AHI1: variants seen among roughly 807,000 people sequenced by gnomAD.
The protein encoded by AHI1 is jouberin.
Under a neutral mutation model 149.3 loss-of-function variants are expected in AHI1, and 123 were observed. The ratio of observed to expected loss-of-function variants is 0.82; its 90% CI spans 0.71 to 0.96. AHI1 has a LOEUF of 0.96. Ranked by LOEUF, AHI1 falls within the 40% of genes least tolerant of loss-of-function variation. The pLI, the probability that AHI1 is intolerant of heterozygous loss-of-function variation, is 0.00. For missense variants in AHI1, 1,439 were observed against 1,422.7 expected (o/e 1.01, Z -0.18); for synonymous variants, 475 against 459.8 (o/e 1.03, Z -0.42).
intron 23 of AHI1, among the ~76,000 whole-genome samples, chr6:135,361,113 T>C (rs1793793148): frequency 6.6e-6 from 1 of 152,240 alleles, no homozygotes; most frequent in Non-Finnish European, 1.5e-5. Flanking sequence ...CATCTCTTCA[T>C]ATTTTTTAAT....
chr6:135,300,775 A>T, intron 26 of AHI1: 1 of 1,179,246 alleles, frequency 8.5e-7, no homozygotes, highest in Non-Finnish European at 1.0e-6. Context: ...AGAGAGTTCA[A>T]ACACTCATTT....
intron 15 of AHI1, 26 bp from the exon 16 acceptor site, chr6:135,433,282 T>C: frequency 1.3e-6 from 2 of 1,514,108 alleles, no homozygotes; most frequent in Admixed American, 1.8e-5. Flanking sequence ...AAGTTACATA[T>C]TGCTTCTGAA....
intron 3 of AHI1, chr6:135,493,061 T>C: frequency 1.3e-6 from 1 of 760,768 alleles, no homozygotes; most frequent in Non-Finnish European, 1.6e-6. Context: ...TGCAGTGGTG[T>C]GATCTCGGCT....
At chr6:135,408,288 G>A (rs1352359768) in intron 21 of AHI1, among the ~76,000 whole-genome samples, 2 of 152,022 alleles carry the variant, frequency 1.3e-5, no homozygotes, top group African/African-American at 4.8e-5. Flanking sequence ...CAAGTTTTTA[G>A]ACAAGGAACA....
intron 20 of AHI1, among the ~76,000 whole-genome samples, chr6:135,415,944 T>C (rs2127985677): frequency 6.6e-6 from 1 of 152,230 alleles, no homozygotes; most frequent in South Asian, 2.1e-4. Context: ...TATACAATTC[T>C]GGAAAATGCA....
chr6:135,344,764 CTCTT>C (rs1425770248), intron 24 of AHI1, among the ~76,000 whole-genome samples: 3 of 150,562 alleles, frequency 2.0e-5, no homozygotes, highest in Non-Finnish European at 3.0e-5. Context: ...CTCTCTCTCT[CTCTT>C]TCTTTTTAGA....
rs868490849 is a variant in AHI1 at position 135,309,069 on chromosome 6, G to A, written c.3427-8511C>T. 2.6e-5 allele frequency among the ~76,000 whole-genome samples: 4 copies of A among 152,334 alleles called. No individual in the cohort carries two copies. The Middle Eastern group carries it at 0.01, about 389-fold the overall frequency. On this transcript the variant is annotated intron_variant, in intron 26 of 28. Transcript: ENST00000265602. ...ATCAAATACAATGGCAGAGGCACAG[G>A]TGGAAAAGAAGCAGTCAAACAAGTT...
At chr6:135,405,797 T>C (rs1318152979) in intron 21 of AHI1, among the ~76,000 whole-genome samples, 1 of 146,964 alleles carries the variant, frequency 6.8e-6, no homozygotes, top group Non-Finnish European at 1.5e-5. Context: ...GAGGTGGAGG[T>C]TGTAGTGAGC....
chr6:135,448,156 G>A, intron 12 of AHI1, 134 bp downstream of exon 12: 1 of 532,914 alleles, frequency 1.9e-6, no homozygotes, highest in Non-Finnish European at 2.9e-6. Flanking sequence ...GCTATTACAG[G>A]CTTAATATAT....
At position 135,331,260 on chromosome 6, in the gene AHI1, G is replaced by C. The variant is rs113182305; in HGVS notation, c.3166-7936C>G. ...GTCCATCTTGGTAATGACAGGACTA[G>C]AAAAAGAGATGTTTCACAAAATCCA... On this transcript the variant is annotated intron_variant, in intron 24 of 28. Coordinates refer to ENST00000265602, the MANE Select transcript of AHI1 (RefSeq NM_001134831.2). 9.1e-3 allele frequency among the ~76,000 whole-genome samples: 1,393 copies of C among 152,276 alleles called. 19 individuals carry two copies. The highest frequency in any genetic ancestry group is 0.031 in the African/African-American group (1,303 of 41,548).
intron 24 of AHI1, among the ~76,000 whole-genome samples, chr6:135,323,568 T>C (rs1045849866): frequency 6.6e-6 from 1 of 152,166 alleles, no homozygotes; most frequent in Admixed American, 6.5e-5. Flanking sequence ...AGCTTCAAAA[T>C]AGCAGATGTT....
chr6:135,462,111 T>C (rs1033750823), intron 8 of AHI1, among the ~76,000 whole-genome samples: 7 of 152,058 alleles, frequency 4.6e-5, no homozygotes, highest in African/African-American at 1.2e-4. Flanking sequence ...TGCTTTTCTA[T>C]ATATATCTAT....
chr6:135,300,923 T>C (rs1783796014), intron 26 of AHI1: 2 of 997,642 alleles, frequency 2.0e-6, no homozygotes, highest in Admixed American at 5.8e-5. Context: ...GCATCTTTCC[T>C]TCATATTCTT....
chr6:135,458,145 C>A (rs550313309), intron 8 of AHI1, among the ~76,000 whole-genome samples: 1 of 152,056 alleles, frequency 6.6e-6, no homozygotes, highest in African/African-American at 2.4e-5. Context: ...ATTTTAAAGG[C>A]ATCAGAAAAG....
chr6:135,485,206 T>C (rs1562282602), intron 5 of AHI1, among the ~76,000 whole-genome samples: 1 of 152,040 alleles, frequency 6.6e-6, no homozygotes, highest in Non-Finnish European at 1.5e-5. Flanking sequence ...CTCAAGTAGC[T>C]GGGATAACAG....
intron 23 of AHI1, among the ~76,000 whole-genome samples, chr6:135,388,978 C>T (rs1778027034): frequency 6.6e-6 from 1 of 150,566 alleles, no homozygotes; most frequent in African/African-American, 2.5e-5. Context: ...CGCCACTGCA[C>T]TCCAGCCTGG....
chr6:135,415,675 G>A (rs1053684428), intron 20 of AHI1, among the ~76,000 whole-genome samples: 2 of 152,184 alleles, frequency 1.3e-5, no homozygotes, highest in Non-Finnish European at 2.9e-5. Flanking sequence ...AAAGAGAAAT[G>A]AAGCATATGT....
chr6:135,403,340 T>C (rs570534697), intron 22 of AHI1, among the ~76,000 whole-genome samples: 6 of 152,168 alleles, frequency 3.9e-5, no homozygotes, highest in Non-Finnish European at 8.8e-5. Context: ...AAAACTATTA[T>C]AAAAAAAGAA....
At chr6:135,311,130 C>T (rs1785143013) in intron 26 of AHI1, among the ~76,000 whole-genome samples, 1 of 151,622 alleles carries the variant, frequency 6.6e-6, no homozygotes, top group Non-Finnish European at 1.5e-5. Flanking sequence ...GGTGAAACCC[C>T]ATCTCTACTA....
Sources: gnomAD v4.1 joint callset for allele counts (sites outside exome capture counted in the v4.1 genomes callset) on GRCh38, gnomAD v4.1.1 for gene constraint, MANE v1.5 for transcripts, NCBI Gene and HGNC (gene_info 2026-07-23, HGNC 2026-07-21) for gene names.